INSR: variants seen among roughly 807,000 people sequenced by gnomAD.
INSR encodes insulin receptor, also known as IR.
Under a neutral mutation model 142.6 loss-of-function variants are expected in INSR, and 67 were observed. The observed-to-expected ratio is 0.47, with a 90% CI of 0.39 to 0.58. INSR has a LOEUF of 0.58. Among genes scored for constraint, INSR ranks in the 20% least tolerant of loss-of-function variants. INSR has a pLI of 0.00. For missense variants in INSR, 1,248 were observed against 1,833.2 expected, an observed-to-expected ratio of 0.68 and a Z score of 5.83; for synonymous variants, 756 against 743.1, an observed-to-expected ratio of 1.02 and a Z score of -0.28.
chr19:7,115,169 GAGA>G lies in INSR; in HGVS notation c.*1884_*1886del, dbSNP rs1295959741. On this transcript the variant is annotated 3_prime_UTR_variant, in exon 22 of 22. Coordinates refer to ENST00000302850, the MANE Select transcript of INSR (RefSeq NM_000208.4). ...CCATTCTTAAGCCCACAACTCTTAA[GAGA>G]AGAAGAAAAGGAAGCAGTCAAAAAG... The G allele has an allele frequency of 2.6e-5, 4 of 152,206 alleles. No individual in the cohort carries two copies. Among genetic ancestry groups the G allele is most frequent in the Non-Finnish European group, 2.9e-5 (2 of 68,028 alleles). The allele number at this position is 152,206 out of a possible 1,614,324, so 9.4% of individuals were successfully genotyped here. A position where few individuals can be genotyped will look rare whatever the true frequency, so the allele number is the denominator to read the frequency against.
intron 1 of INSR, among the ~76,000 whole-genome samples, chr19:7,284,527 G>GT (rs969672860): frequency 1.3e-4 from 19 of 151,448 alleles, no homozygotes; most frequent in South Asian, 2.1e-4. Context: ...AAGGACTCAG[G>GT]TTTTTTTGTT....
intron 2 of INSR, among the ~76,000 whole-genome samples, chr19:7,217,213 C>G (rs1331981158): frequency 6.6e-6 from 1 of 152,126 alleles, no homozygotes; most frequent in South Asian, 2.1e-4. Flanking sequence ...AGGTTGGTTC[C>G]TTCTGGAGGC....
intron 5 of INSR, 140 bp downstream of exon 5, chr19:7,172,150 G>A: frequency 1.2e-6 from 1 of 831,178 alleles, no homozygotes; most frequent in Non-Finnish European, 2.0e-6. Flanking sequence ...CGCCTCAAGT[G>A]ATTCACCCAC....
At chr19:7,266,792 C>T (rs1035818325) in intron 2 of INSR, among the ~76,000 whole-genome samples, 2 of 152,128 alleles carry the variant, frequency 1.3e-5, no homozygotes, top group African/African-American at 4.8e-5. Context: ...AAACTACTCT[C>T]GGCGACATGC....
In INSR at chr19:7,267,116, G is replaced by A. The variant is rs1464135960; in HGVS notation, c.652+229C>T. 1.3e-5 allele frequency among the ~76,000 whole-genome samples: 2 copies of A among 151,990 alleles called. No individual in the cohort carries two copies. Among genetic ancestry groups the A allele is most frequent in the African/African-American group, 4.8e-5 (2 of 41,386 alleles). On this transcript the variant is annotated intron_variant, in intron 2 of 21. Transcript: ENST00000302850. This position sits in a 1 kb window ranked among gnomAD's most constrained non-coding sequence, Gnocchi z 6.3. ...CTGTGGCTGCTTGTCCAATACAGTG[G>A]CAGAATTGAGTCGTTGCATCAGAGA...
At chr19:7,233,840 T>G (rs868094420) in intron 2 of INSR, among the ~76,000 whole-genome samples, 5 of 150,096 alleles carry the variant, frequency 3.3e-5, no homozygotes, top group Middle Eastern at 3.5e-3. Context: ...CACACCCGGC[T>G]AATTTTTTTG....
intron 2 of INSR, among the ~76,000 whole-genome samples, chr19:7,195,936 T>C (rs1030411521): frequency 7.0e-5 from 7 of 100,236 alleles, no homozygotes; most frequent in African/African-American, 1.8e-4. Flanking sequence ...TCTTTCTTTT[T>C]TTTTTTTTTT....
intron 16 of INSR, 76 bp downstream of exon 16, chr19:7,126,508 C>A: frequency 7.5e-7 from 1 of 1,336,312 alleles, no homozygotes; most frequent in South Asian, 1.3e-5. Flanking sequence ...CCATCCTTCA[C>A]TCTCACTCAA....
At chr19:7,280,228 C>T (rs1020425448) in intron 1 of INSR, among the ~76,000 whole-genome samples, 2 of 151,884 alleles carry the variant, frequency 1.3e-5, no homozygotes. Context: ...TGCGCCACTG[C>T]ACTCCAGCCT....
intron 2 of INSR, among the ~76,000 whole-genome samples, chr19:7,238,992 AGAT>A (rs1976255252): frequency 7.0e-6 from 1 of 143,184 alleles, no homozygotes; most frequent in Admixed American, 7.0e-5. Flanking sequence ...AAAAAGGTTA[AGAT>A]GGTCAATTTT....
intron 1 of INSR, among the ~76,000 whole-genome samples, chr19:7,270,292 C>A (rs1208405593): frequency 3.3e-5 from 5 of 150,776 alleles, no homozygotes; most frequent in Non-Finnish European, 7.4e-5. Context: ...GCTTCTCAAC[C>A]CTGAGTCCCA....
intron 13 of INSR, among the ~76,000 whole-genome samples, chr19:7,136,925 C>T (rs142014092): frequency 0.034 from 5,066 of 151,152 alleles, 130 homozygotes; most frequent in Non-Finnish European, 0.048. Context: ...CTCTGCCTCC[C>T]GGGTTCAAGT....
At chr19:7,198,899 TGGG>T (rs57116223) in intron 2 of INSR, among the ~76,000 whole-genome samples, 2 of 59,742 alleles carry the variant, frequency 3.3e-5, no homozygotes, top group Non-Finnish European at 9.6e-5. Flanking sequence ...ACACTTTTTT[TGGG>T]GGGGGGGTCT....
chr19:7,178,516 T>C (rs10403229), intron 3 of INSR, among the ~76,000 whole-genome samples: 62,533 of 151,728 alleles, frequency 0.41, 13,694 homozygotes, highest in African/African-American at 0.57. Context: ...GTCAGGAGTT[T>C]GAGACCAGCC....
Position 7,122,753 on chromosome 19 carries a change from G to T in INSR, c.3390C>A (p.Pro1130=). 1 of 1,614,164 alleles carries T rather than the reference G, an allele frequency of 6.2e-7. No individual in the cohort carries two copies. ...TCTGAATCATCTCTTGAAGGGTAGG[G>T]GGAGGGCGGCCAGGATTATTCTAAA... ...PEAENNPGRP[P]PTLQEMIQMA... Residue 1130 remains proline (P), a synonymous_variant, in exon 19 of 22, where the codon CCC becomes CCA. Transcript: ENST00000302850.
chr19:7,152,626 C>G (rs1288060979), intron 10 of INSR, 100 bp downstream of exon 10: 8 of 970,428 alleles, frequency 8.2e-6, no homozygotes, highest in Non-Finnish European at 1.3e-5. Flanking sequence ...ACCCTTCTGC[C>G]GTCTCTGGGT....
At chr19:7,266,911 T>C (rs1250206762) in intron 2 of INSR, among the ~76,000 whole-genome samples, 1 of 152,182 alleles carries the variant, frequency 6.6e-6, no homozygotes, top group Non-Finnish European at 1.5e-5. Context: ...ACTAAACTAT[T>C]TTTTTAAAAA....
At chr19:7,182,679 T>C (rs1974304558) in intron 3 of INSR, among the ~76,000 whole-genome samples, 2 of 152,142 alleles carry the variant, frequency 1.3e-5, no homozygotes, top group African/African-American at 4.8e-5. Flanking sequence ...AGGGTTTCTG[T>C]TTTAGCATCT....
intron 17 of INSR, among the ~76,000 whole-genome samples, chr19:7,124,033 A>G (rs1021602951): frequency 2.0e-5 from 3 of 151,702 alleles, no homozygotes; most frequent in African/African-American, 7.3e-5. Flanking sequence ...CATCCTGGCT[A>G]ACACAGTGAA....
Sources: gnomAD v4.1 joint callset for allele counts (sites outside exome capture counted in the v4.1 genomes callset) on GRCh38, gnomAD v4.1.1 for gene constraint, Gnocchi (gnomAD v3.1) non-coding constraint, MANE v1.5 for transcripts, NCBI Gene and HGNC (gene_info 2026-07-23, HGNC 2026-07-21) for gene names.